Variants in CSMD1 observed in about 807,000 individuals in gnomAD.
The protein encoded by CSMD1 is CUB and sushi domain-containing protein 1.
CSMD1 carries 213 observed loss-of-function variants against 417.5 expected under a neutral mutation model. The observed-to-expected ratio is 0.51, with a 90% CI of 0.46 to 0.57. CSMD1 has a LOEUF of 0.57. Among genes scored for constraint, CSMD1 ranks in the 20% least tolerant of loss-of-function variants. CSMD1 has a pLI of 0.00. For synonymous variants in CSMD1, 2,862 were observed against 1,736.8 expected (o/e 1.65, Z -16.11); for missense variants, 6,923 against 4,529.7 (o/e 1.53, Z -15.17).
chr8:4,179,394 G>A (rs895060364), intron 3 of CSMD1, among the ~76,000 whole-genome samples: 4 of 152,104 alleles, frequency 2.6e-5, no homozygotes, highest in African/African-American at 7.2e-5. Context: ...GCTGAAGCTG[G>A]ATCCCTTCCT....
intron 1 of CSMD1, among the ~76,000 whole-genome samples, chr8:4,837,615 G>C (rs1350817781): frequency 1.3e-5 from 2 of 152,146 alleles, no homozygotes; most frequent in Non-Finnish European, 2.9e-5. Flanking sequence ...GGCTGGGAAG[G>C]ACAGTAGGGA....
intron 5 of CSMD1, among the ~76,000 whole-genome samples, chr8:3,872,675 T>C (rs1295775487): frequency 1.3e-5 from 2 of 152,136 alleles, no homozygotes; most frequent in Non-Finnish European, 2.9e-5. Context: ...GAGCCCTTCA[T>C]TCATGAAGAG....
intron 1 of CSMD1, among the ~76,000 whole-genome samples, chr8:4,768,572 G>A (rs951358193): frequency 3.3e-5 from 5 of 152,126 alleles, no homozygotes; most frequent in African/African-American, 1.2e-4. Context: ...GCTTTGGATT[G>A]CACGAGCTCA....
rs1803441504 is a variant in CSMD1, at chr8:2,961,156, G to A, written c.9687C>T (p.Ser3229=). Reference sequence around the variant, plus strand: ...AATGAACTACCTCATAGCCTCTGGAGCTATTCTGTATTCCAAAGTGTGGCG... The same window carrying A: ...AATGAACTACCTCATAGCCTCTGGAACTATTCTGTATTCCAAAGTGTGGCG... ...PGTPHFGIQN[S]SRGYEVGSTV... Residue 3229 remains serine (S), a synonymous_variant, in exon 62 of 70, where the codon AGC becomes AGT. Coordinates refer to ENST00000635120, the MANE Select transcript of CSMD1 (RefSeq NM_033225.6). 6.3e-7 allele frequency: 1 copy of A among 1,595,298 alleles called. No individual in the cohort carries two copies.
intron 25 of CSMD1, among the ~76,000 whole-genome samples, chr8:3,305,214 A>T (rs1503276): frequency 0.86 from 131,154 of 152,124 alleles, 57,235 homozygotes; most frequent in Non-Finnish European, 0.94. Context: ...ATGCCTTCAT[A>T]GATTTTCATG....
chr8:3,256,377 A>C (rs1244460566), intron 26 of CSMD1, among the ~76,000 whole-genome samples: 1 of 151,958 alleles, frequency 6.6e-6, no homozygotes, highest in Admixed American at 6.6e-5. Context: ...CTGTTGTAAC[A>C]ATGGCAGTAG....
intron 10 of CSMD1, among the ~76,000 whole-genome samples, chr8:3,547,876 T>C (rs769770520): frequency 3.9e-5 from 6 of 152,210 alleles, no homozygotes; most frequent in South Asian, 4.1e-4. Context: ...TAAAATGTCA[T>C]TTTAAGAATA....
At chr8:3,941,946 C>A (rs1810913176) in intron 5 of CSMD1, among the ~76,000 whole-genome samples, 1 of 152,132 alleles carries the variant, frequency 6.6e-6, no homozygotes, top group Non-Finnish European at 1.5e-5. Flanking sequence ...AGCAAATCCT[C>A]CTCTGTATTT....
chr8:4,249,375 G>T (rs1025434128), intron 3 of CSMD1, among the ~76,000 whole-genome samples: 1 of 152,198 alleles, frequency 6.6e-6, no homozygotes, highest in East Asian at 1.9e-4. Context: ...GTTTCATGTA[G>T]CATATTCCAC....
rs1268649878 is a variant in CSMD1, at chr8:4,454,629, A to C, written c.303-34564T>G. Among the ~76,000 whole-genome samples, 7 of 152,328 alleles carry C rather than the reference A, an allele frequency of 4.6e-5. 1 individual carries two copies. The highest frequency in any genetic ancestry group is 3.9e-4 in the East Asian group (2 of 5,174). ...GAGGGCATAGCAGAAGGAAGCTGAT[A>C]AAGAGACTAAGGCTTCAGTGCAGCC... is the stretch of plus-strand genomic sequence containing the variant. On this transcript the variant is annotated intron_variant, in intron 2 of 69. Transcript: ENST00000635120.
At chr8:3,889,492 T>TATATAA (rs1240650790) in intron 5 of CSMD1, among the ~76,000 whole-genome samples, 3 of 63,204 alleles carry the variant, frequency 4.7e-5, no homozygotes, top group African/African-American at 1.8e-4. Context: ...TATATATATA[T>TATATAA]AAAATATGCT....
intron 5 of CSMD1, among the ~76,000 whole-genome samples, chr8:3,925,750 T>C (rs995060971): frequency 1.3e-5 from 2 of 152,238 alleles, no homozygotes; most frequent in African/African-American, 4.8e-5. Flanking sequence ...CCCAGCCATG[T>C]GGAACTGTAA....
At chr8:3,049,216 C>T (rs745708087) in intron 50 of CSMD1, among the ~76,000 whole-genome samples, 7 of 152,140 alleles carry the variant, frequency 4.6e-5, no homozygotes, top group African/African-American at 1.7e-4. Flanking sequence ...TTCACTCTAT[C>T]AATCTCAACC....
chr8:4,378,853 A>G (rs1345806527), intron 3 of CSMD1, among the ~76,000 whole-genome samples: 3 of 152,194 alleles, frequency 2.0e-5, no homozygotes, highest in Non-Finnish European at 2.9e-5. Context: ...GGCATAATCT[A>G]TGAAACAGAG....
chr8:4,547,349 A>G (rs112984828), intron 2 of CSMD1, among the ~76,000 whole-genome samples: 25 of 152,356 alleles, frequency 1.6e-4, no homozygotes, highest in African/African-American at 5.5e-4. Flanking sequence ...CACAGCAGTG[A>G]ACTTTCTAAA....
intron 1 of CSMD1, among the ~76,000 whole-genome samples, chr8:4,902,612 T>C (rs1165382181): frequency 1.3e-5 from 2 of 152,226 alleles, no homozygotes; most frequent in African/African-American, 2.4e-5. Context: ...TTGACCATTG[T>C]AATATTTTGA....
intron 1 of CSMD1, among the ~76,000 whole-genome samples, chr8:4,696,330 C>T (rs781293066): frequency 6.6e-6 from 1 of 152,188 alleles, no homozygotes; most frequent in Admixed American, 6.5e-5. Context: ...TTCAAAGACT[C>T]TTAGATTATT....
At chr8:4,502,938 C>T (rs1260695983) in intron 2 of CSMD1, among the ~76,000 whole-genome samples, 3 of 152,022 alleles carry the variant, frequency 2.0e-5, no homozygotes, top group Non-Finnish European at 2.9e-5. Context: ...TCTGTTTGGT[C>T]TCTCTGTCTC....
rs550095180 is a variant in CSMD1, at chr8:3,488,338, C to A, written c.1448+5285G>T. On this transcript the variant is annotated intron_variant, in intron 11 of 69. Transcript: ENST00000635120. ...GCCCAGGTTGGTCTCAAACTTTTGGCCTCAAGTATTTCTCCCTCCTCGGCT... is the reference window on the plus strand; with the variant it reads ...GCCCAGGTTGGTCTCAAACTTTTGGACTCAAGTATTTCTCCCTCCTCGGCT... Among the ~76,000 whole-genome samples the A allele has an allele frequency of 1.0e-3, 155 of 152,142 alleles. 1 individual carries two copies. The highest frequency in any genetic ancestry group is 3.4e-3 in the African/African-American group (141 of 41,504).
Sources: allele counts gnomAD v4.1 joint callset (sites outside exome capture counted in the v4.1 genomes callset), GRCh38; gene constraint gnomAD v4.1.1; transcripts MANE v1.5; gene names NCBI Gene and HGNC (gene_info 2026-07-23, HGNC 2026-07-21).